The following STX2 variants were observed in gnomAD, a reference collection of about 807,000 sequenced individuals.
The protein encoded by STX2 is syntaxin-2.
A neutral mutation model predicts 40.6 loss-of-function variants in STX2; 27 were observed. The ratio of observed to expected loss-of-function variants is 0.66; its 90% CI spans 0.49 to 0.92. The LOEUF (loss-of-function observed/expected upper bound fraction) is 0.92, where lower values mean the gene tolerates loss of function less well. STX2 is among the 40% of genes least tolerant of loss of function. The pLI, the probability that STX2 is intolerant of heterozygous loss-of-function variation, is 0.00. For missense variants in STX2, 328 were observed against 366.1 expected (o/e 0.90, Z 0.85); for synonymous variants, 123 against 119.1 (o/e 1.03, Z -0.22).
intron 4 of STX2, among the ~76,000 whole-genome samples, chr12:130,808,907 C>T (rs775913917): frequency 1.3e-5 from 2 of 152,240 alleles, no homozygotes; most frequent in Non-Finnish European, 2.9e-5. Context: ...GGCTCTATCA[C>T]CCGGGCTGCA....
intron 5 of STX2, among the ~76,000 whole-genome samples, chr12:130,808,118 G>A (rs951183088): frequency 6.6e-6 from 1 of 152,130 alleles, no homozygotes; most frequent in African/African-American, 2.4e-5. Flanking sequence ...GGCCCACCCT[G>A]AGAAATGCAT....
At chr12:130,820,139 T>C (rs1297473218) in intron 3 of STX2, among the ~76,000 whole-genome samples, 1 of 152,176 alleles carries the variant, frequency 6.6e-6, no homozygotes, top group African/African-American at 2.4e-5. Flanking sequence ...ACCACTTCTA[T>C]TCAATACTGT....
intron 3 of STX2, among the ~76,000 whole-genome samples, chr12:130,818,180 AAAAAAATAT>A (rs1427133067): frequency 2.7e-5 from 1 of 37,316 alleles, no homozygotes; most frequent in Non-Finnish European, 5.6e-5. Context: ...CAAAAAAAAA[AAAAAAATAT>A]ATATATATAT....
At chr12:130,813,688 G>C (rs929511721) in intron 3 of STX2, among the ~76,000 whole-genome samples, 1 of 152,196 alleles carries the variant, frequency 6.6e-6, no homozygotes, top group African/African-American at 2.4e-5. Context: ...CGTCATAGCA[G>C]CCTCTGCTTT....
chr12:130,823,148 T>TA (rs990872831), intron 2 of STX2, among the ~76,000 whole-genome samples: 12 of 150,572 alleles, frequency 8.0e-5, no homozygotes, highest in East Asian at 7.8e-4. Context: ...ACAAAAACTT[T>TA]AAAAAAAAAG....
In STX2 at chr12:130,807,073, C is replaced by A; in HGVS notation, c.372G>T (p.Arg124=). 1 of 1,614,228 alleles carries A rather than the reference C, an allele frequency of 6.2e-7. No homozygotes were observed. The highest frequency in any genetic ancestry group is 8.5e-7 in the Non-Finnish European group (1 of 1,180,042). The change falls in exon 6 of 11, where the codon CGG becomes CGT. Residue 124 remains arginine, a synonymous_variant. Transcript: ENST00000392373. ...ACTCCGCCATGGCTTCCACAAACTTCCGAGACAGCACCGAATGCTAACAAC... is the reference window on the plus strand; with the variant it reads ...ACTCCGCCATGGCTTCCACAAACTTACGAGACAGCACCGAATGCTAACAAC... The part of the protein sequence containing the change: ...IRRTQHSVLS[R]KFVEAMAEYN...
At chr12:130,822,211 G>A (rs1336020951) in intron 2 of STX2, among the ~76,000 whole-genome samples, 1 of 152,126 alleles carries the variant, frequency 6.6e-6, no homozygotes, top group Non-Finnish European at 1.5e-5. Flanking sequence ...GAGGCCAGGA[G>A]TTCAGGACCA....
chr12:130,797,429 G>C lies in STX2; in HGVS notation c.786+1096C>G, dbSNP rs78547644. ...CCATGTCTGGCATTTCAGAGATGAC[G>C]AGCATACTTAGACATACCCAGGAAA... On this transcript the variant is annotated intron_variant, in intron 9 of 10. Coordinates refer to ENST00000392373, the MANE Select transcript of STX2 (RefSeq NM_194356.4). Among the ~76,000 whole-genome samples, 6 of 152,288 alleles carry C rather than the reference G, an allele frequency of 3.9e-5. No individual in the cohort carries two copies. In the East Asian group the frequency reaches 1.2e-3, roughly 29 times the overall value.
chr12:130,796,159 T>C, intron 9 of STX2, 39 bp from the exon 10 acceptor site: 1 of 1,611,718 alleles, frequency 6.2e-7, no homozygotes. Flanking sequence ...CATGCATGGT[T>C]AATTTCATAT....
intron 3 of STX2, among the ~76,000 whole-genome samples, chr12:130,818,655 AGATGGAGAC>A (rs11283385): frequency 0.55 from 83,974 of 151,540 alleles, 25,893 homozygotes; most frequent in East Asian, 0.85. Context: ...GCGGCGCTGG[AGATGGAGAC>A]GATGGAGACG....
At chr12:130,819,776 C>A (rs535745472) in intron 3 of STX2, among the ~76,000 whole-genome samples, 19 of 152,354 alleles carry the variant, frequency 1.2e-4, no homozygotes, top group African/African-American at 4.6e-4. Flanking sequence ...AGGAAGCCTT[C>A]TCAGAGCCTT....
intron 2 of STX2, 86 bp downstream of exon 2, chr12:130,827,107 A>C: frequency 1.9e-6 from 1 of 532,158 alleles, no homozygotes; most frequent in Admixed American, 2.7e-5. Flanking sequence ...GGAAAGGGAG[A>C]GGGAGGGAAG....
chr12:130,823,728 A>G (rs1952199259), intron 2 of STX2, among the ~76,000 whole-genome samples: 1 of 152,254 alleles, frequency 6.6e-6, no homozygotes, highest in African/African-American at 2.4e-5. Flanking sequence ...GTTGAAGCAC[A>G]GTGATTGCGG....
intron 10 of STX2, among the ~76,000 whole-genome samples, chr12:130,793,147 G>T (rs543000056): frequency 6.6e-6 from 1 of 152,178 alleles, no homozygotes; most frequent in Non-Finnish European, 1.5e-5. Flanking sequence ...GTTATACAGG[G>T]TTATCAAGAG....
intron 2 of STX2, among the ~76,000 whole-genome samples, chr12:130,826,473 G>A (rs983907673): frequency 2.0e-5 from 3 of 152,184 alleles, no homozygotes; most frequent in Non-Finnish European, 4.4e-5. Context: ...AGCAGAGGGC[G>A]CTGCAGGCCC....
chr12:130,813,063 C>T (rs780280305), intron 3 of STX2, 32 bp from the exon 4 acceptor site: 3 of 1,292,192 alleles, frequency 2.3e-6, no homozygotes, highest in Non-Finnish European at 3.1e-6. Flanking sequence ...AAATAAAATA[C>T]AGCATCTGAG....
chr12:130,800,823 T>C (rs1034696073), intron 8 of STX2, among the ~76,000 whole-genome samples: 2 of 152,198 alleles, frequency 1.3e-5, no homozygotes, highest in South Asian at 2.1e-4. Flanking sequence ...GATCTTTGTA[T>C]CTCCCTTTTC....
chr12:130,810,404 G>A (rs1386772148), intron 4 of STX2, among the ~76,000 whole-genome samples: 1 of 152,136 alleles, frequency 6.6e-6, no homozygotes, highest in Admixed American at 6.5e-5. Context: ...AAAAGCCTAG[G>A]AAAGAATGGT....
Position 130,789,892 on chromosome 12 carries a change from CA to C in STX2, c.*2130del, listed in dbSNP as rs1427070187. ...TTTCCTAACTTCAACTATAAAAACA[CA>C]AATTTCAGTAGGTACTGCAAATCTA... is the stretch of plus-strand genomic sequence containing the variant. On this transcript the variant is annotated 3_prime_UTR_variant, in exon 11 of 11. Transcript: ENST00000392373. 1 of 152,180 alleles carries C rather than the reference CA, an allele frequency of 6.6e-6. No individual in the cohort carries two copies. The allele number at this position is 152,180 out of a possible 1,614,324, so 9.4% of individuals were successfully genotyped here. A position where few individuals can be genotyped will look rare whatever the true frequency, so the allele number is the denominator to read the frequency against.
Sources: gnomAD v4.1 joint callset for allele counts (sites outside exome capture counted in the v4.1 genomes callset) on GRCh38, gnomAD v4.1.1 for gene constraint, MANE v1.5 for transcripts, NCBI Gene and HGNC (gene_info 2026-07-23, HGNC 2026-07-21) for gene names.